CRYBG1: variants seen among roughly 807,000 people sequenced by gnomAD.
CRYBG1 encodes beta/gamma crystallin domain-containing protein 1.
In CRYBG1, 139 loss-of-function variants were observed where a neutral mutation model predicts 189.2. The ratio of observed to expected loss-of-function variants is 0.73; its 90% CI spans 0.64 to 0.85. CRYBG1 has a LOEUF of 0.85. Among genes scored for constraint, CRYBG1 ranks in the 40% least tolerant of loss-of-function variants. The probability of loss-of-function intolerance (pLI) is 0.00; values close to 1 mark genes in which losing one functional copy is unlikely to be tolerated. For synonymous variants in CRYBG1, 1,023 were observed against 1,017.1 expected (o/e 1.01, Z -0.11); for missense variants, 2,611 against 2,675.8 (o/e 0.98, Z 0.53).
chr6:106,486,183 T>A (rs1380107011), intron 2 of CRYBG1, among the ~76,000 whole-genome samples: 1 of 152,224 alleles, frequency 6.6e-6, no homozygotes, highest in Non-Finnish European at 1.5e-5. Flanking sequence ...CTCAAGAAAC[T>A]TTTAAATTTC....
In CRYBG1 at chr6:106,433,729, A is replaced by ATATATG. The variant is rs1554235087; in HGVS notation, c.174-17960_174-17959insGTATAT. 9.7e-3 allele frequency among the ~76,000 whole-genome samples: 537 copies of ATATATG among 55,138 alleles called. 25 individuals carry two copies. The highest frequency in any genetic ancestry group is 0.043 in the African/African-American group (496 of 11,526). The allele number at this position is 55,138 out of a possible 152,430, so 36.2% of individuals were successfully genotyped here. On this transcript the variant is annotated intron_variant, in intron 1 of 21. Transcript: ENST00000633556. The stretch of plus-strand genomic sequence containing the variant: ...GCTAGAAACTGGGAAATATATATAT[A>ATATATG]TATATACATATATATGTATATATAT...
rs563211409 is a variant in CRYBG1, at chr6:106,542,162, T to C, written c.4881+541T>C. ...TGTATATATTTATTTTATATATATA[T>C]GTATATAAATTATTTTAAAACTGTT... On this transcript the variant is annotated intron_variant, in intron 10 of 21. Coordinates refer to ENST00000633556, the MANE Select transcript of CRYBG1 (RefSeq NM_001371242.2). 6.0e-5 allele frequency among the ~76,000 whole-genome samples: 9 copies of C among 149,540 alleles called. No individual in the cohort carries two copies. In the South Asian group the frequency reaches 1.9e-3, roughly 31 times the overall value.
chr6:106,403,779 G>A (rs1325062843), intron 1 of CRYBG1, among the ~76,000 whole-genome samples: 1 of 152,192 alleles, frequency 6.6e-6, no homozygotes, highest in Non-Finnish European at 1.5e-5. Context: ...ACACTCCTAT[G>A]AGGAATGGAT....
chr6:106,413,679 A>G (rs1358921093), intron 1 of CRYBG1, among the ~76,000 whole-genome samples: 1 of 149,768 alleles, frequency 6.7e-6, no homozygotes, highest in Non-Finnish European at 1.5e-5. Context: ...TTTTGTCTCA[A>G]AAAAAAAAAA....
At chr6:106,361,188 G>T (rs1771860939) in intron 1 of CRYBG1, 107 bp downstream of exon 1, 1 of 1,345,458 alleles carries the variant, frequency 7.4e-7, no homozygotes, top group African/African-American at 1.5e-5. Context: ...GGAAAGCCCC[G>T]GGGTCTGTTT....
intron 1 of CRYBG1, among the ~76,000 whole-genome samples, chr6:106,367,120 A>T (rs1049470584): frequency 5.3e-5 from 8 of 152,138 alleles, no homozygotes; most frequent in African/African-American, 1.9e-4. Flanking sequence ...AGCATACGAT[A>T]ATCATTTGCC....
intron 2 of CRYBG1, among the ~76,000 whole-genome samples, chr6:106,510,058 C>A (rs1278841188): frequency 2.6e-5 from 4 of 152,166 alleles, no homozygotes; most frequent in Non-Finnish European, 5.9e-5. Context: ...GATTGGGGAA[C>A]CTCCCCGTAG....
At chr6:106,427,638 C>G (rs551849061) in intron 1 of CRYBG1, among the ~76,000 whole-genome samples, 6 of 152,294 alleles carry the variant, frequency 3.9e-5, no homozygotes, top group South Asian at 4.1e-4. Context: ...CTGTCTCCAC[C>G]GAAGTCAGTT....
intron 1 of CRYBG1, among the ~76,000 whole-genome samples, chr6:106,399,998 G>A (rs1001682630): frequency 2.0e-5 from 3 of 151,794 alleles, no homozygotes; most frequent in African/African-American, 7.3e-5. Flanking sequence ...TTAGCCAGGC[G>A]TGGTGGCACA....
chr6:106,453,421 A>G (rs930304317), intron 2 of CRYBG1, among the ~76,000 whole-genome samples: 60 of 152,186 alleles, frequency 3.9e-4, no homozygotes, highest in African/African-American at 1.4e-3. Context: ...TTAAAAAATT[A>G]AGTAAACTGG....
chr6:106,539,981 G>A (rs573720226), intron 9 of CRYBG1, among the ~76,000 whole-genome samples: 4 of 152,156 alleles, frequency 2.6e-5, no homozygotes, highest in South Asian at 2.1e-4. Context: ...TGGAGCTGTC[G>A]GTGAATGCAC....
Position 106,530,122 on chromosome 6 carries a change from G to A in CRYBG1, c.4579-54G>A. 3.4e-6 allele frequency: 5 copies of A among 1,455,406 alleles called. No homozygotes were observed. The South Asian group carries it at 6.9e-5, about 20-fold the overall frequency. 90.2% of individuals were successfully genotyped at this position (1,455,406 alleles called of 1,614,324 possible). ...AAGAAGAAGAAGAATGAGCTTACTA[G>A]AGAGTGAAATACATGGTGCAATTCT... On this transcript the variant is annotated intron_variant, in intron 7 of 21. Transcript: ENST00000633556.
At position 106,519,331 on chromosome 6, in the gene CRYBG1, G is replaced by C. The variant is rs774932584; in HGVS notation, c.2123G>C (p.Ser708Thr). The C allele has an allele frequency of 3.7e-6, 6 of 1,614,128 alleles. No individual in the cohort carries two copies. The Admixed American group carries it at 8.3e-5, about 22-fold the overall frequency. Reference protein sequence around the residue: ...IRGQRNTPASSKTFVGRAKLN... With the variant: ...IRGQRNTPASTKTFVGRAKLN... ...GGCCAAAGGAATACTCCTGCCTCTA[G>C]TAAAACGTTTGTTGGGAGGGCAAAG... The change falls in exon 4 of 22, where the codon AGT becomes ACT. Residue 708 changes from serine (S) to threonine (T), a missense_variant. Ser to Thr is a moderately conservative substitution (Grantham distance 58, BLOSUM62 1). Transcript: ENST00000633556.
At chr6:106,564,115 T>C (rs1216158642) in intron 21 of CRYBG1, among the ~76,000 whole-genome samples, 189 bp downstream of exon 21, 2 of 152,120 alleles carry the variant, frequency 1.3e-5, no homozygotes, top group African/African-American at 4.8e-5. Flanking sequence ...ACAGCCGCCC[T>C]ATGAGGCCTA....
rs138518394 is a variant in CRYBG1 at position 106,429,255 on chromosome 6, G to A, written c.174-22439G>A. ...TGACATGTGCTTGAGTAGGGGGAGA[G>A]TTGATCTGGATAAATCATTGGAATG... On this transcript the variant is annotated intron_variant, in intron 1 of 21. Coordinates refer to ENST00000633556, the MANE Select transcript of CRYBG1 (RefSeq NM_001371242.2). Among the ~76,000 whole-genome samples the A allele has an allele frequency of 1.8e-3, 276 of 152,326 alleles. 1 individual carries two copies. The highest frequency in any genetic ancestry group is 6.4e-3 in the African/African-American group (266 of 41,564).
intron 7 of CRYBG1, among the ~76,000 whole-genome samples, chr6:106,528,653 G>A (rs976765924): frequency 3.9e-5 from 6 of 152,238 alleles, no homozygotes; most frequent in Middle Eastern, 6.8e-3. Flanking sequence ...AGAATCTGGT[G>A]GGGTGAGGAT....
intron 2 of CRYBG1, among the ~76,000 whole-genome samples, chr6:106,487,066 G>T (rs1041719567): frequency 1.3e-5 from 2 of 151,786 alleles, no homozygotes; most frequent in Non-Finnish European, 2.9e-5. Context: ...TCTCTTTGTT[G>T]TTTGTGTATC....
chr6:106,399,680 A>G (rs1770685126), intron 1 of CRYBG1, among the ~76,000 whole-genome samples: 1 of 140,188 alleles, frequency 7.1e-6, no homozygotes, highest in Admixed American at 7.6e-5. Context: ...TTCTTGAGAC[A>G]GGGTCTCACT....
intron 1 of CRYBG1, among the ~76,000 whole-genome samples, chr6:106,433,789 A>G (rs1771397812): frequency 7.0e-6 from 1 of 142,722 alleles, no homozygotes; most frequent in African/African-American, 2.6e-5. Flanking sequence ...ATATATAAAC[A>G]TACACACACA....
Sources: allele counts gnomAD v4.1 joint callset (sites outside exome capture counted in the v4.1 genomes callset), GRCh38; gene constraint gnomAD v4.1.1; transcripts MANE v1.5; gene names NCBI Gene and HGNC (gene_info 2026-07-23, HGNC 2026-07-21).